The following ATG10 variants were observed in gnomAD, a reference collection of about 807,000 sequenced individuals.
The protein encoded by ATG10 is autophagy related 10.
A neutral mutation model predicts 32.1 loss-of-function variants in ATG10; 30 were observed. The ratio of observed to expected loss-of-function variants is 0.94; its 90% CI spans 0.70 to 1.27. The LOEUF (loss-of-function observed/expected upper bound fraction) is 1.27, where lower values mean the gene tolerates loss of function less well. Ranked by LOEUF, ATG10 falls within the 50% of genes most tolerant of loss-of-function variation. ATG10 has a pLI of 0.00. For synonymous variants in ATG10, 87 were observed against 91.5 expected, an observed-to-expected ratio of 0.95 and a Z score of 0.28; for missense variants, 233 against 262.3, an observed-to-expected ratio of 0.89 and a Z score of 0.77.
chr5:82,139,733 C>T (rs1405933250), intron 3 of ATG10, among the ~76,000 whole-genome samples: 7 of 138,462 alleles, frequency 5.1e-5, no homozygotes, highest in East Asian at 2.3e-4. Flanking sequence ...GCCCCCTGCC[C>T]GGCCAGCCGC....
intron 2 of ATG10, among the ~76,000 whole-genome samples, chr5:81,996,026 A>T (rs1554039621): frequency 6.6e-6 from 1 of 152,136 alleles, no homozygotes; most frequent in Non-Finnish European, 1.5e-5. Context: ...TAAATATTTG[A>T]TTTTTACTTA....
intron 5 of ATG10, among the ~76,000 whole-genome samples, chr5:82,248,050 G>T (rs1747102308): frequency 6.6e-6 from 1 of 152,108 alleles, no homozygotes; most frequent in Non-Finnish European, 1.5e-5. Context: ...ATGTGTACGT[G>T]GATTGGGAAC....
chr5:82,081,871 A>G (rs1764494157), intron 3 of ATG10, among the ~76,000 whole-genome samples: 2 of 152,218 alleles, frequency 1.3e-5, no homozygotes, highest in Non-Finnish European at 2.9e-5. Flanking sequence ...TGTTGGCCTC[A>G]TAAAATGAGT....
intron 3 of ATG10, among the ~76,000 whole-genome samples, chr5:82,136,329 T>G (rs567577778): frequency 6.6e-6 from 1 of 152,358 alleles, no homozygotes; most frequent in Non-Finnish European, 1.5e-5. Flanking sequence ...GTCGACGGTC[T>G]TTACAATTTG....
At chr5:81,974,285 G>A (rs1324741373) in intron 1 of ATG10, among the ~76,000 whole-genome samples, 1 of 152,182 alleles carries the variant, frequency 6.6e-6, no homozygotes, top group African/African-American at 2.4e-5. Flanking sequence ...AGCAGCCTGA[G>A]TATAATAAAG....
chr5:82,224,525 A>G (rs1394940986), intron 5 of ATG10, among the ~76,000 whole-genome samples: 1 of 152,164 alleles, frequency 6.6e-6, no homozygotes. Context: ...AGTTGGGACT[A>G]TGAATCGGGT....
chr5:82,053,904 T>C (rs1261898972), intron 2 of ATG10, among the ~76,000 whole-genome samples: 3 of 152,160 alleles, frequency 2.0e-5, no homozygotes, highest in African/African-American at 7.2e-5. Flanking sequence ...AAAGACCACT[T>C]CAAAGGCAGT....
At chr5:82,161,073 G>A (rs1743311098) in intron 3 of ATG10, among the ~76,000 whole-genome samples, 2 of 152,212 alleles carry the variant, frequency 1.3e-5, no homozygotes, top group African/African-American at 4.8e-5. Flanking sequence ...AGCAGAATAT[G>A]TGTAGAAGTC....
chr5:82,064,158 A>G (rs1225014033), intron 3 of ATG10, among the ~76,000 whole-genome samples: 2 of 152,208 alleles, frequency 1.3e-5, no homozygotes, highest in Non-Finnish European at 2.9e-5. Context: ...AAGTTTTATA[A>G]TCTTGTAAGC....
chr5:82,055,911 T>G (rs1485467716), intron 2 of ATG10, among the ~76,000 whole-genome samples: 2 of 152,158 alleles, frequency 1.3e-5, no homozygotes, highest in African/African-American at 4.8e-5. Context: ...TGCCTGCAAT[T>G]AATACAGTAA....
chr5:82,132,554 T>C (rs1420656918), intron 3 of ATG10, among the ~76,000 whole-genome samples: 1 of 152,062 alleles, frequency 6.6e-6, no homozygotes, highest in Non-Finnish European at 1.5e-5. Flanking sequence ...GGTTTCCAGC[T>C]TCATCCATGT....
intron 2 of ATG10, among the ~76,000 whole-genome samples, chr5:82,033,236 A>G (rs1762793396): frequency 1.3e-5 from 2 of 152,124 alleles, no homozygotes; most frequent in African/African-American, 4.8e-5. Context: ...GTACATATAT[A>G]TTTCTAGGGG....
intron 2 of ATG10, chr5:82,009,589 G>A (rs1762073172): frequency 5.7e-6 from 9 of 1,575,484 alleles, no homozygotes; most frequent in South Asian, 2.2e-5. Flanking sequence ...TAAAACACAA[G>A]TCAAACTTAT....
chr5:82,168,261 G>A (rs1343560125), intron 4 of ATG10, among the ~76,000 whole-genome samples: 3 of 152,096 alleles, frequency 2.0e-5, no homozygotes, highest in Non-Finnish European at 4.4e-5. Context: ...AAAACCCTTA[G>A]GCACATACAT....
chr5:82,200,100 A>T (rs939644731), intron 5 of ATG10, among the ~76,000 whole-genome samples: 1 of 152,250 alleles, frequency 6.6e-6, no homozygotes, highest in Non-Finnish European at 1.5e-5. Context: ...AAAAACACTC[A>T]TTTGTAGGGT....
intron 3 of ATG10, among the ~76,000 whole-genome samples, chr5:82,082,549 CCTT>C (rs1217285138): frequency 2.0e-5 from 3 of 152,050 alleles, no homozygotes; most frequent in Non-Finnish European, 2.9e-5. Flanking sequence ...TATTCTAAAT[CCTT>C]CTTATATTTT....
intron 2 of ATG10, among the ~76,000 whole-genome samples, chr5:82,000,604 A>G (rs1017289041): frequency 6.6e-6 from 1 of 152,186 alleles, no homozygotes; most frequent in African/African-American, 2.4e-5. Context: ...GATCTAATAA[A>G]CAACTTCACC....
chr5:82,059,720 A>T (rs944392450), intron 3 of ATG10, among the ~76,000 whole-genome samples: 2 of 152,160 alleles, frequency 1.3e-5, no homozygotes, highest in African/African-American at 4.8e-5. Context: ...CCATTTGCCA[A>T]TCAGACATCA....
chr5:82,025,489 A>T (rs1762567466), intron 2 of ATG10, among the ~76,000 whole-genome samples: 1 of 152,162 alleles, frequency 6.6e-6, no homozygotes, highest in South Asian at 2.1e-4. Flanking sequence ...ATTTACCCAG[A>T]TGATTGTCTA....
Sources: gnomAD v4.1 joint callset for allele counts (sites outside exome capture counted in the v4.1 genomes callset) on GRCh38, gnomAD v4.1.1 for gene constraint, MANE v1.5 for transcripts, NCBI Gene and HGNC (gene_info 2026-07-23, HGNC 2026-07-21) for gene names.